The following MSRA variants were observed in gnomAD, a reference collection of about 807,000 sequenced individuals.
MSRA encodes mitochondrial peptide methionine sulfoxide reductase.
MSRA carries 54 observed loss-of-function variants against 31.3 expected under a neutral mutation model. That is an observed-to-expected ratio of 1.73 (90% CI 1.39 to 2.17). MSRA has a LOEUF of 2.17. Among genes scored for constraint, MSRA ranks in the 30% most tolerant of loss-of-function variants. The probability of loss-of-function intolerance (pLI) is 0.00; values close to 1 mark genes in which losing one functional copy is unlikely to be tolerated. For missense variants in MSRA, 507 were observed against 300.9 expected (o/e 1.69, Z -5.07); for synonymous variants, 169 against 116.5 (o/e 1.45, Z -2.90).
intron 5 of MSRA, among the ~76,000 whole-genome samples, chr8:10,327,684 A>G (rs1256424196): frequency 6.6e-6 from 1 of 152,132 alleles, no homozygotes; most frequent in Non-Finnish European, 1.5e-5. Flanking sequence ...CTGTAATCCC[A>G]GCACTTTGGG....
intron 5 of MSRA, among the ~76,000 whole-genome samples, chr8:10,322,142 A>G (rs959989932): frequency 6.6e-6 from 1 of 152,196 alleles, no homozygotes; most frequent in African/African-American, 2.4e-5. Context: ...TGTGCAGTTT[A>G]TTATCAAGTA....
At chr8:10,202,524 C>G (rs1259888246) in intron 1 of MSRA, among the ~76,000 whole-genome samples, 1 of 152,226 alleles carries the variant, frequency 6.6e-6, no homozygotes, top group Non-Finnish European at 1.5e-5. Context: ...ATGATTTCAT[C>G]ACACATGATG....
intron 5 of MSRA, among the ~76,000 whole-genome samples, chr8:10,360,625 T>A (rs1804791413): frequency 6.6e-6 from 1 of 152,206 alleles, no homozygotes; most frequent in Non-Finnish European, 1.5e-5. Context: ...ATTCGATAAA[T>A]GTTTGTAGCA....
At chr8:10,071,521 G>A (rs771113410) in intron 1 of MSRA, among the ~76,000 whole-genome samples, 3 of 146,604 alleles carry the variant, frequency 2.0e-5, no homozygotes, top group Non-Finnish European at 4.5e-5. Flanking sequence ...ATGAGTTCCA[G>A]CTTCCTAATT....
chr8:10,192,069 C>G (rs562604917), intron 1 of MSRA, among the ~76,000 whole-genome samples: 2 of 152,250 alleles, frequency 1.3e-5, no homozygotes, highest in East Asian at 3.9e-4. Flanking sequence ...TGGGCCTCTT[C>G]ATAGGGCTGC....
At chr8:10,085,194 C>G (rs1284573571) in intron 1 of MSRA, among the ~76,000 whole-genome samples, 1 of 152,162 alleles carries the variant, frequency 6.6e-6, no homozygotes, top group Non-Finnish European at 1.5e-5. Flanking sequence ...TTTAGCCAGA[C>G]AGCCCACTGA....
intron 3 of MSRA, among the ~76,000 whole-genome samples, chr8:10,260,211 G>A (rs1331282413): frequency 6.6e-6 from 1 of 152,204 alleles, no homozygotes; most frequent in East Asian, 1.9e-4. Flanking sequence ...TTGCCATTTG[G>A]TCCAGTTGCA....
At chr8:10,124,856 A>G (rs1165821403) in intron 1 of MSRA, among the ~76,000 whole-genome samples, 1 of 152,244 alleles carries the variant, frequency 6.6e-6, no homozygotes, top group Non-Finnish European at 1.5e-5. Flanking sequence ...ATTTCACATC[A>G]GTTCTACCTT....
chr8:10,264,645 T>C (rs907459688), intron 3 of MSRA, among the ~76,000 whole-genome samples: 2 of 152,090 alleles, frequency 1.3e-5, no homozygotes, highest in Admixed American at 1.3e-4. Flanking sequence ...ATGAGGGAGA[T>C]GCTGGGGGTC....
At chr8:10,081,963 G>C (rs538708895) in intron 1 of MSRA, among the ~76,000 whole-genome samples, 2 of 152,274 alleles carry the variant, frequency 1.3e-5, no homozygotes, top group African/African-American at 4.8e-5. Flanking sequence ...AGCGCTGTGA[G>C]GGCCAAGGCA....
chr8:10,411,397 G>C (rs1269545825), intron 5 of MSRA: 1 of 152,174 alleles, frequency 6.6e-6, no homozygotes, highest in Non-Finnish European at 1.5e-5. Context: ...ATGTGGAGCT[G>C]GGAGCTAACG....
intron 1 of MSRA, among the ~76,000 whole-genome samples, chr8:10,117,865 A>G (rs1483254864): frequency 6.6e-6 from 1 of 152,208 alleles, no homozygotes; most frequent in Non-Finnish European, 1.5e-5. Context: ...GATTACTGTG[A>G]TGAAGAAAAA....
At chr8:10,298,130 G>A (rs114690183) in intron 3 of MSRA, among the ~76,000 whole-genome samples, 1,846 of 152,254 alleles carry the variant, frequency 0.012, 14 homozygotes, top group African/African-American at 0.026. Context: ...TGTTTAATGG[G>A]GACCATATGT....
chr8:10,154,387 C>CTTT (rs1332004058), intron 1 of MSRA, among the ~76,000 whole-genome samples: 2 of 150,878 alleles, frequency 1.3e-5, no homozygotes, highest in South Asian at 4.2e-4. Flanking sequence ...TTCTTTCTTT[C>CTTT]TTTTTTTTGA....
chr8:10,264,902 T>C (rs1798667937), intron 3 of MSRA, among the ~76,000 whole-genome samples: 1 of 152,128 alleles, frequency 6.6e-6, no homozygotes, highest in South Asian at 2.1e-4. Context: ...CAGGTTGGCC[T>C]AGAGCCCTCT....
intron 1 of MSRA, among the ~76,000 whole-genome samples, chr8:10,106,820 C>T (rs1398939532): frequency 1.3e-5 from 2 of 150,754 alleles, no homozygotes; most frequent in African/African-American, 5.0e-5. Context: ...TACCCACCCA[C>T]CTACCTACCC....
intron 5 of MSRA, among the ~76,000 whole-genome samples, chr8:10,352,991 T>G (rs1361514208): frequency 6.6e-6 from 1 of 152,164 alleles, no homozygotes; most frequent in East Asian, 1.9e-4. Context: ...CTGAACTGTT[T>G]TTGAGGTGTG....
chr8:10,217,371 C>T (rs1440776964), intron 2 of MSRA, among the ~76,000 whole-genome samples: 1 of 152,226 alleles, frequency 6.6e-6, no homozygotes, highest in African/African-American at 2.4e-5. Context: ...TTGGTCCTTG[C>T]ATCTCTGCAG....
intron 3 of MSRA, among the ~76,000 whole-genome samples, chr8:10,259,192 C>G (rs1220532055): frequency 6.6e-6 from 1 of 151,882 alleles, no homozygotes; most frequent in Non-Finnish European, 1.5e-5. Flanking sequence ...GCCCTGAAAA[C>G]AAATGGACTT....
Sources: allele counts gnomAD v4.1 joint callset (sites outside exome capture counted in the v4.1 genomes callset), GRCh38; gene constraint gnomAD v4.1.1; transcripts MANE v1.5; gene names NCBI Gene and HGNC (gene_info 2026-07-23, HGNC 2026-07-21).